The following RYR2 variants were observed in gnomAD, a reference collection of about 807,000 sequenced individuals.
The protein encoded by RYR2 is cardiac muscle ryanodine receptor-calcium release channel.
A neutral mutation model predicts 601.1 loss-of-function variants in RYR2; 227 were observed. The observed-to-expected ratio is 0.38, with a 90% CI of 0.34 to 0.42. RYR2 has a LOEUF of 0.42. RYR2 is among the 10% of genes least tolerant of loss of function. RYR2 has a pLI of 1.00. For synonymous variants in RYR2, 2,223 were observed against 2,175.1 expected (o/e 1.02, Z -0.61); for missense variants, 4,646 against 6,156.5 (o/e 0.75, Z 8.21).
At position 237,583,503 on chromosome 1, in the gene RYR2, A is replaced by G. The variant is rs74147483; in HGVS notation, c.3599-6290A>G. ...AAAAATGGGATTAATATTAAATAAT[A>G]TAGGCAAAAGTACTTATGTATTATA... is the stretch of plus-strand genomic sequence containing the variant. On this transcript the variant is annotated intron_variant, in intron 29 of 104. Coordinates refer to ENST00000366574, the MANE Select transcript of RYR2 (RefSeq NM_001035.3). Among the ~76,000 whole-genome samples, 891 of 152,312 alleles carry G rather than the reference A, an allele frequency of 5.8e-3. 8 individuals carry two copies. The highest frequency in any genetic ancestry group is 0.021 in the African/African-American group (866 of 41,574).
At chr1:237,540,702 C>A (rs529931624) in intron 25 of RYR2, among the ~76,000 whole-genome samples, 9 of 149,608 alleles carry the variant, frequency 6.0e-5, no homozygotes, top group Non-Finnish European at 1.3e-4. Flanking sequence ...AGTGAAACTC[C>A]GTTTCAAAAT....
intron 55 of RYR2, among the ~76,000 whole-genome samples, chr1:237,660,542 A>G (rs1038677491): frequency 6.6e-6 from 1 of 152,066 alleles, no homozygotes; most frequent in Admixed American, 6.6e-5. Flanking sequence ...TTTTCTGTGT[A>G]AGGTCCTAGG....
intron 1 of RYR2, among the ~76,000 whole-genome samples, chr1:237,251,987 T>G (rs1032723411): frequency 1.3e-5 from 2 of 152,148 alleles, no homozygotes; most frequent in Admixed American, 1.3e-4. Flanking sequence ...ATCTGGATTC[T>G]GACCTTTTCC....
chr1:237,629,010 C>T (rs1415724755), intron 41 of RYR2, among the ~76,000 whole-genome samples: 2 of 152,038 alleles, frequency 1.3e-5, no homozygotes, highest in Non-Finnish European at 1.5e-5. Context: ...AAAGATATTT[C>T]AGAATATTTA....
At chr1:237,229,240 A>T (rs965323917) in intron 1 of RYR2, among the ~76,000 whole-genome samples, 1 of 152,242 alleles carries the variant, frequency 6.6e-6, no homozygotes, top group African/African-American at 2.4e-5. Flanking sequence ...AACTCATGAA[A>T]AAAAGAAAGT....
At chr1:237,259,385 G>A (rs1688294015) in intron 1 of RYR2, among the ~76,000 whole-genome samples, 1 of 152,026 alleles carries the variant, frequency 6.6e-6, no homozygotes, top group Non-Finnish European at 1.5e-5. Context: ...CTGTGCGCCT[G>A]TAATCTCAGC....
At chr1:237,503,910 G>A (rs995250570) in intron 22 of RYR2, among the ~76,000 whole-genome samples, 20 of 152,070 alleles carry the variant, frequency 1.3e-4, no homozygotes, top group Non-Finnish European at 2.8e-4. Context: ...GTTTCATCAC[G>A]TTGGCCAGGC....
intron 2 of RYR2, among the ~76,000 whole-genome samples, chr1:237,317,904 A>T (rs1695263787): frequency 6.6e-6 from 1 of 152,096 alleles, no homozygotes; most frequent in Non-Finnish European, 1.5e-5. Flanking sequence ...CATATTTTTT[A>T]TCCTGACAAC....
chr1:237,487,352 A>C (rs1005016816), intron 17 of RYR2, among the ~76,000 whole-genome samples: 1 of 151,886 alleles, frequency 6.6e-6, no homozygotes, highest in African/African-American at 2.4e-5. Context: ...GGTGTTTCTC[A>C]TTTGTTGTCC....
intron 1 of RYR2, among the ~76,000 whole-genome samples, chr1:237,098,449 T>G (rs1008220619): frequency 6.6e-6 from 1 of 151,158 alleles, no homozygotes; most frequent in Non-Finnish European, 1.5e-5. Context: ...TGTACTGTCT[T>G]AGCAAATTTC....
chr1:237,304,302 C>A (rs575356347), intron 2 of RYR2, among the ~76,000 whole-genome samples: 1 of 152,270 alleles, frequency 6.6e-6, no homozygotes, highest in East Asian at 1.9e-4. Flanking sequence ...TTTGGCAAGT[C>A]CCTTCAGCTT....
At chr1:237,121,594 G>A (rs1053474735) in intron 1 of RYR2, among the ~76,000 whole-genome samples, 3 of 152,156 alleles carry the variant, frequency 2.0e-5, no homozygotes, top group African/African-American at 7.2e-5. Context: ...ATTGTCATTA[G>A]CCATTGAGGA....
intron 99 of RYR2, among the ~76,000 whole-genome samples, chr1:237,807,214 A>G (rs550498185): frequency 6.6e-5 from 10 of 152,316 alleles, no homozygotes; most frequent in African/African-American, 2.4e-4. Context: ...CTGTCAGTTA[A>G]TAAGATGTGT....
intron 38 of RYR2, among the ~76,000 whole-genome samples, chr1:237,623,351 C>CTTTCTTTGTTTCTTTCTTTCTTTGTTTG (rs1559129265): frequency 8.8e-5 from 6 of 68,298 alleles, no homozygotes; most frequent in Non-Finnish European, 2.3e-4. Flanking sequence ...GTAGTTGTGC[C>CTTTCTTTGTTTCTTTCTTTCTTTGTTTG]TTTCTTTGTT....
chr1:237,773,955 A>G (rs1694458881), intron 87 of RYR2, among the ~76,000 whole-genome samples: 1 of 152,200 alleles, frequency 6.6e-6, no homozygotes. Flanking sequence ...CAGGCACAAC[A>G]TTTAACCATT....
intron 80 of RYR2, among the ~76,000 whole-genome samples, chr1:237,748,627 G>T (rs141553178): frequency 1.5e-4 from 23 of 152,318 alleles, no homozygotes; most frequent in African/African-American, 5.5e-4. Flanking sequence ...AGAAAGAAGG[G>T]CATAGGTTGG....
At chr1:237,347,308 G>A (rs545565834) in intron 3 of RYR2, among the ~76,000 whole-genome samples, 2 of 152,000 alleles carry the variant, frequency 1.3e-5, no homozygotes, top group African/African-American at 2.4e-5. Flanking sequence ...GTGAGACCCC[G>A]TCTCAAAAAC....
At chr1:237,200,763 A>G (rs1159490317) in intron 1 of RYR2, among the ~76,000 whole-genome samples, 1 of 152,236 alleles carries the variant, frequency 6.6e-6, no homozygotes. Flanking sequence ...ACAGCATAGT[A>G]CGTTTTCTAT....
intron 97 of RYR2, among the ~76,000 whole-genome samples, chr1:237,799,452 C>G (rs962497748): frequency 1.3e-5 from 2 of 152,148 alleles, no homozygotes; most frequent in African/African-American, 2.4e-5. Flanking sequence ...GACTGTTTTT[C>G]TACTATGAAG....
Sources: allele counts gnomAD v4.1 joint callset (sites outside exome capture counted in the v4.1 genomes callset), GRCh38; gene constraint gnomAD v4.1.1; transcripts MANE v1.5; gene names NCBI Gene and HGNC (gene_info 2026-07-23, HGNC 2026-07-21).